The following SLC23A2 variants were observed in gnomAD, a reference collection of about 807,000 sequenced individuals.
SLC23A2 encodes the protein solute carrier family 23 member 2, also known as Na(+)/L-ascorbic acid transporter 2.
SLC23A2 carries 36 observed loss-of-function variants against 73.3 expected under a neutral mutation model. That is an observed-to-expected ratio of 0.49 (90% confidence interval 0.38 to 0.65). The LOEUF (loss-of-function observed/expected upper bound fraction) is 0.65. SLC23A2 is among the 30% of genes least tolerant of loss of function. The pLI, the probability that SLC23A2 is intolerant of heterozygous loss-of-function variation, is 0.00. For synonymous variants in SLC23A2, 343 were observed against 327.3 expected (o/e 1.05, Z -0.52); for missense variants, 507 against 841.6 (o/e 0.60, Z 4.92).
At chr20:4,889,281 C>T (rs985928381) in intron 6 of SLC23A2, among the ~76,000 whole-genome samples, 1 of 152,008 alleles carries the variant, frequency 6.6e-6, no homozygotes, top group African/African-American at 2.4e-5. Context: ...AGGTGCAAAA[C>T]AAGAGCCACA....
chr20:4,915,817 G>T (rs1282116427), intron 3 of SLC23A2, among the ~76,000 whole-genome samples: 1 of 152,076 alleles, frequency 6.6e-6, no homozygotes, highest in Non-Finnish European at 1.5e-5. Context: ...GCGTGGTGAT[G>T]GGCGCCTCTA....
At chr20:4,988,255 T>A (rs2087863315) in intron 1 of SLC23A2, among the ~76,000 whole-genome samples, 1 of 151,818 alleles carries the variant, frequency 6.6e-6, no homozygotes, top group Non-Finnish European at 1.5e-5. Context: ...TGAGCCAAGA[T>A]CACACCATTG....
Position 4,868,533 on chromosome 20 carries a change from G to A in SLC23A2, c.1251-658C>T, listed in dbSNP as rs1458366949. Reference sequence around the variant, plus strand: ...TTTGTTGGGGTATAAGACAAACATGGGCCGTCTATGGAAATAAAACATTGA... The same window carrying A: ...TTTGTTGGGGTATAAGACAAACATGAGCCGTCTATGGAAATAAAACATTGA... On this transcript the variant is annotated intron_variant, in intron 12 of 16. Coordinates refer to ENST00000338244, the MANE Select transcript of SLC23A2 (RefSeq NM_005116.6). This position sits in a 1 kb window ranked among gnomAD's most constrained non-coding sequence, Gnocchi z 4.4. Among the ~76,000 whole-genome samples the A allele has an allele frequency of 1.3e-5, 2 of 152,154 alleles. No homozygotes were observed. Among genetic ancestry groups the A allele is most frequent in the Non-Finnish European group, 2.9e-5 (2 of 68,030 alleles).
At position 4,899,422 on chromosome 20, in the gene SLC23A2, A is replaced by G. The variant is rs1312108829; in HGVS notation, c.482+133T>C. On this transcript the variant is annotated intron_variant, in intron 6 of 16. Transcript: ENST00000338244. The surrounding 1 kb of genome is among the most constrained non-coding windows in gnomAD (Gnocchi z 4.9). ...GAGGAACACTGAGGGGTGGGGACCAACGGCCACTAGGACATTCCCGTGCCT... is the reference window on the plus strand; with the variant it reads ...GAGGAACACTGAGGGGTGGGGACCAGCGGCCACTAGGACATTCCCGTGCCT... 9.9e-7 allele frequency: 1 copy of G among 1,007,348 alleles called. No individual in the cohort carries two copies. The highest frequency in any genetic ancestry group is 1.5e-6 in the Non-Finnish European group (1 of 660,346). The allele number at this position is 1,007,348 out of a possible 1,614,324, so 62.4% of individuals were successfully genotyped here. A position where few individuals can be genotyped will look rare whatever the true frequency, so the allele number is the denominator to read the frequency against.
chr20:4,999,149 C>T (rs2088073788), intron 1 of SLC23A2, among the ~76,000 whole-genome samples: 1 of 152,156 alleles, frequency 6.6e-6, no homozygotes, highest in Admixed American at 6.5e-5. Flanking sequence ...GGGAAAATTC[C>T]TCAAGCTACC....
intron 2 of SLC23A2, among the ~76,000 whole-genome samples, chr20:4,963,704 C>T (rs2087428877): frequency 6.6e-6 from 1 of 152,042 alleles, no homozygotes; most frequent in Non-Finnish European, 1.5e-5. Flanking sequence ...AAAAATTAGC[C>T]AGGCATGATG....
intron 2 of SLC23A2, among the ~76,000 whole-genome samples, chr20:4,955,706 C>T (rs2087276682): frequency 6.6e-6 from 1 of 152,012 alleles, no homozygotes; most frequent in South Asian, 2.1e-4. Context: ...GGGAGGATCG[C>T]TTGAGCGTGG....
intron 2 of SLC23A2, among the ~76,000 whole-genome samples, chr20:4,953,430 A>G (rs1331850621): frequency 1.3e-5 from 2 of 152,164 alleles, no homozygotes; most frequent in African/African-American, 4.8e-5. Flanking sequence ...CCTTCTCCCA[A>G]ACAGAAAGAA....
At chr20:4,929,724 T>C (rs796735044) in intron 3 of SLC23A2, among the ~76,000 whole-genome samples, 1 of 152,150 alleles carries the variant, frequency 6.6e-6, no homozygotes, top group African/African-American at 2.4e-5. Flanking sequence ...AGTATAATTA[T>C]TGCAATAAGA....
intron 2 of SLC23A2, among the ~76,000 whole-genome samples, chr20:4,945,251 T>C (rs539817062): frequency 1.4e-4 from 22 of 152,244 alleles, no homozygotes; most frequent in African/African-American, 5.3e-4. Flanking sequence ...AAAATAACAA[T>C]CATCCTGCAG....
At chr20:4,974,414 G>A (rs2087611806) in intron 1 of SLC23A2, among the ~76,000 whole-genome samples, 1 of 152,138 alleles carries the variant, frequency 6.6e-6, no homozygotes, top group Admixed American at 6.5e-5. Context: ...GTTGCGGTGA[G>A]CCGAGATCGC....
intron 1 of SLC23A2, among the ~76,000 whole-genome samples, chr20:4,973,623 G>C (rs951485108): frequency 6.6e-6 from 1 of 152,216 alleles, no homozygotes; most frequent in Non-Finnish European, 1.5e-5. Context: ...TGAGCTATCA[G>C]TAAGCAACCT....
At chr20:4,916,831 T>C (rs1600131197) in intron 3 of SLC23A2, among the ~76,000 whole-genome samples, 2 of 152,280 alleles carry the variant, frequency 1.3e-5, no homozygotes, top group African/African-American at 2.4e-5. Flanking sequence ...CACCATAAAA[T>C]AGGCTTTGTG....
chr20:4,889,254 C>T (rs956607623), intron 6 of SLC23A2, among the ~76,000 whole-genome samples: 16 of 151,966 alleles, frequency 1.1e-4, no homozygotes, highest in African/African-American at 1.9e-4. Context: ...TATGGGTATT[C>T]CGGGCAGAGA....
intron 11 of SLC23A2, among the ~76,000 whole-genome samples, chr20:4,870,306 C>G (rs114207643): frequency 6.6e-6 from 1 of 152,160 alleles, no homozygotes; most frequent in Admixed American, 6.5e-5. Flanking sequence ...TAGCCGGATG[C>G]GGTGGCTCAC....
At chr20:4,952,103 CAAAAAAAAAA>C (rs57832305) in intron 2 of SLC23A2, among the ~76,000 whole-genome samples, 144 of 40,542 alleles carry the variant, frequency 3.6e-3, no homozygotes, top group African/African-American at 0.01. Flanking sequence ...GACTCTGACT[CAAAAAAAAAA>C]AAAAAAAAAA....
intron 6 of SLC23A2, among the ~76,000 whole-genome samples, chr20:4,893,823 T>C (rs1426565850): frequency 6.6e-6 from 1 of 151,868 alleles, no homozygotes; most frequent in Non-Finnish European, 1.5e-5. Flanking sequence ...GCTGGAGAGG[T>C]CAGAGTGATG....
rs955586262 is a variant in SLC23A2 at position 4,863,617 on chromosome 20, A to G, written c.1357-710T>C. On this transcript the variant is annotated intron_variant, in intron 13 of 16. Coordinates refer to ENST00000338244, the MANE Select transcript of SLC23A2 (RefSeq NM_005116.6). The surrounding 1 kb of genome is among the most constrained non-coding windows in gnomAD (Gnocchi z 4.8). Reference sequence around the variant, plus strand: ...CACTGGCCTTTCCTGCACCCATTCCATGGGGCCACGGGGTCACCTTTCTAA... The same window carrying G: ...CACTGGCCTTTCCTGCACCCATTCCGTGGGGCCACGGGGTCACCTTTCTAA... Among the ~76,000 whole-genome samples, 1 of 152,148 alleles carries G rather than the reference A, an allele frequency of 6.6e-6. No individual in the cohort carries two copies. The highest frequency in any genetic ancestry group is 1.5e-5 in the Non-Finnish European group (1 of 68,010).
At chr20:4,874,467 C>T in intron 10 of SLC23A2, 109 bp downstream of exon 10, 2 of 1,014,090 alleles carry the variant, frequency 2.0e-6, no homozygotes, top group Non-Finnish European at 2.9e-6. Context: ...TCTCACTGCA[C>T]AGATATGATC....
Sources: gnomAD v4.1 joint callset for allele counts (sites outside exome capture counted in the v4.1 genomes callset) on GRCh38, gnomAD v4.1.1 for gene constraint, Gnocchi (gnomAD v3.1) non-coding constraint, MANE v1.5 for transcripts, NCBI Gene and HGNC (gene_info 2026-07-23, HGNC 2026-07-21) for gene names.